SASS6: variants seen among roughly 807,000 people sequenced by gnomAD.
SASS6 encodes SAS-6 centriolar assembly protein, also known as spindle assembly abnormal protein 6 homolog.
In SASS6, 59 loss-of-function variants were observed where a neutral mutation model predicts 94.9. The ratio of observed to expected loss-of-function variants is 0.62; its 90% confidence interval spans 0.50 to 0.77. SASS6 has a LOEUF of 0.77. Ranked by LOEUF, SASS6 falls within the 30% of genes least tolerant of loss-of-function variation. The probability of loss-of-function intolerance (pLI) is 0.00; values close to 1 mark genes in which losing one functional copy is unlikely to be tolerated. For missense variants in SASS6, 698 were observed against 734.1 expected, an observed-to-expected ratio of 0.95 and a Z score of 0.57; for synonymous variants, 264 against 270.0, an observed-to-expected ratio of 0.98 and a Z score of 0.22.
chr1:100,121,797 C>A (rs1654220661), intron 4 of SASS6, among the ~76,000 whole-genome samples: 1 of 152,058 alleles, frequency 6.6e-6, no homozygotes, highest in South Asian at 2.1e-4. Flanking sequence ...TCACTGAGTG[C>A]CACAAAAGTA....
intron 14 of SASS6, among the ~76,000 whole-genome samples, chr1:100,093,139 CATT>C (rs1378561678): frequency 6.7e-6 from 1 of 148,476 alleles, no homozygotes; most frequent in East Asian, 2.0e-4. Context: ...ATTTAAAGAA[CATT>C]ATCCCAACAA....
intron 6 of SASS6, among the ~76,000 whole-genome samples, chr1:100,119,529 T>C (rs1654019015): frequency 1.3e-5 from 2 of 152,226 alleles, no homozygotes; most frequent in African/African-American, 2.4e-5. Flanking sequence ...CCATGCAGAT[T>C]ATCAGATACC....
chr1:100,107,737 C>T lies in SASS6; in HGVS notation c.1057-20G>A. 3.8e-6 allele frequency: 6 copies of T among 1,565,030 alleles called. No individual in the cohort carries two copies. Among genetic ancestry groups the T allele is most frequent in the Non-Finnish European group, 4.4e-6 (5 of 1,143,940 alleles). Reference sequence around the variant, plus strand: ...AACCACCTGATATATTTTTTAAAAACATGAATAATTAGGGCATTTGTGTTT... The same window carrying T: ...AACCACCTGATATATTTTTTAAAAATATGAATAATTAGGGCATTTGTGTTT... On this transcript the variant is annotated intron_variant, in intron 9 of 16. Transcript: ENST00000287482.
At chr1:100,106,796 G>A (rs1652941821) in intron 12 of SASS6, 116 bp downstream of exon 12, 1 of 595,416 alleles carries the variant, frequency 1.7e-6, no homozygotes, top group Non-Finnish European at 3.0e-6. Context: ...GGAGGCTGCA[G>A]TGAGCTGAGA....
intron 14 of SASS6, among the ~76,000 whole-genome samples, chr1:100,102,375 T>C (rs900285169): frequency 6.6e-6 from 1 of 151,960 alleles, no homozygotes; most frequent in African/African-American, 2.4e-5. Context: ...AGTAGAAGAA[T>C]GAATAAAAAC....
intron 12 of SASS6, 134 bp downstream of exon 12, chr1:100,106,778 A>C: frequency 1.8e-6 from 1 of 554,364 alleles, no homozygotes; most frequent in Non-Finnish European, 3.3e-6. Context: ...AACTTGAACC[A>C]AAGTGGTGGA....
At chr1:100,090,764 A>G (rs1651614880) in intron 14 of SASS6, among the ~76,000 whole-genome samples, 1 of 152,168 alleles carries the variant, frequency 6.6e-6, no homozygotes, top group African/African-American at 2.4e-5. Context: ...TTTTCTAGCC[A>G]GAAGACCAGG....
intron 1 of SASS6, among the ~76,000 whole-genome samples, chr1:100,130,534 C>CA (rs1332845292): frequency 4.6e-5 from 7 of 151,378 alleles, no homozygotes; most frequent in Middle Eastern, 3.4e-3. Context: ...AAATTAACAA[C>CA]AAAAAAAAGC....
chr1:100,110,000 A>G (rs1442645534), intron 8 of SASS6, among the ~76,000 whole-genome samples: 3 of 152,000 alleles, frequency 2.0e-5, no homozygotes, highest in African/African-American at 7.2e-5. Flanking sequence ...ACAGTACCCT[A>G]TGAAATACAG....
chr1:100,085,568 C>G lies in SASS6; in HGVS notation c.1835G>C (p.Arg612Pro). 2 of 1,613,168 alleles carry G rather than the reference C, an allele frequency of 1.2e-6. No individual in the cohort carries two copies. The highest frequency in any genetic ancestry group is 1.7e-6 in the Non-Finnish European group (2 of 1,179,292). ...ACTAAATAGGTTCTGGCTGAGTCCG[C>G]GTAAAGGAATGCTATCTTCCCTTTT... is the stretch of plus-strand genomic sequence containing the variant. ...LKKREDSIPL[R>P]GLSQNLFSNS... Residue 612 changes from arginine to proline, a missense_variant, in exon 16 of 17, where the codon CGC becomes CCC. Arg to Pro is a moderately radical substitution (Grantham distance 103, BLOSUM62 -2). Coordinates refer to ENST00000287482, the MANE Select transcript of SASS6 (RefSeq NM_194292.3).
rs1651429752 is a variant in SASS6 at position 100,088,023 on chromosome 1, A to C, written c.1772+116T>G. 8 of 530,748 alleles carry C rather than the reference A, an allele frequency of 1.5e-5. No homozygotes were observed. The East Asian group carries it at 2.0e-4, about 13-fold the overall frequency. 32.9% of individuals were successfully genotyped at this position (530,748 alleles called of 1,614,324 possible). Reference sequence around the variant, plus strand: ...TTCAACTTAAATTCCAATGATCAGTAACTTGAAATGTCTCAGGTAAACAGG... The same window carrying C: ...TTCAACTTAAATTCCAATGATCAGTCACTTGAAATGTCTCAGGTAAACAGG... On this transcript the variant is annotated intron_variant, in intron 15 of 16. Transcript: ENST00000287482.
chr1:100,113,115 G>C (rs897806503), intron 7 of SASS6, among the ~76,000 whole-genome samples: 1 of 152,078 alleles, frequency 6.6e-6, no homozygotes, highest in Non-Finnish European at 1.5e-5. Flanking sequence ...CAATAGACAA[G>C]GAGTACTCCA....
Position 100,085,272 on chromosome 1 carries a change from T to A in SASS6, c.*56A>T. On this transcript the variant is annotated 3_prime_UTR_variant, in exon 17 of 17. Coordinates refer to ENST00000287482, the MANE Select transcript of SASS6 (RefSeq NM_194292.3). ...GAGGATCTGGTTTGTGTTGACATAT[T>A]TTTTAAGCACCTGAGTTTCTAAAAT... 9.0e-7 allele frequency: 1 copy of A among 1,113,890 alleles called. No individual in the cohort carries two copies. The highest frequency in any genetic ancestry group is 1.4e-6 in the Non-Finnish European group (1 of 725,778). 69.0% of individuals were successfully genotyped at this position (1,113,890 alleles called of 1,614,324 possible).
chr1:100,104,603 G>A (rs1389536262), intron 13 of SASS6, among the ~76,000 whole-genome samples: 2 of 151,830 alleles, frequency 1.3e-5, no homozygotes, highest in East Asian at 3.9e-4. Flanking sequence ...GGGATTATAG[G>A]CATGCACCAT....
At chr1:100,118,962 A>G in intron 7 of SASS6, 56 bp downstream of exon 7, 2 of 1,318,448 alleles carry the variant, frequency 1.5e-6, no homozygotes, top group Non-Finnish European at 2.1e-6. Context: ...TTTAAAATTA[A>G]CAAAATGACT....
chr1:100,088,853 C>T (rs942809874), intron 14 of SASS6, among the ~76,000 whole-genome samples: 5 of 150,588 alleles, frequency 3.3e-5, no homozygotes, highest in African/African-American at 1.2e-4. Flanking sequence ...AAAAAAAAGC[C>T]TGCCATGCTT....
At chr1:100,130,289 G>C (rs556281708) in intron 1 of SASS6, among the ~76,000 whole-genome samples, 109 of 152,328 alleles carry the variant, frequency 7.2e-4, no homozygotes, top group Middle Eastern at 3.4e-3. Flanking sequence ...GGACGGAGAG[G>C]GGGGTGCGTA....
Position 100,122,415 on chromosome 1 carries a change from C to T in SASS6, c.276G>A (p.Gln92=), listed in dbSNP as rs750374371. 2.5e-6 allele frequency: 4 copies of T among 1,575,958 alleles called. No individual in the cohort carries two copies. The highest frequency in any genetic ancestry group is 3.5e-6 in the Non-Finnish European group (4 of 1,148,020). ...CTTTGGCATGTTCTTGAGTACATTG[C>T]TGAAGGAGATCTATAAATTTTTGTG... ...AFPQKFIDLL[Q]QCTQEHAKEI... is the part of the protein sequence containing the mutation. The change falls in exon 4 of 17, where the codon CAG becomes CAA. Residue 92 remains glutamine (Q), a synonymous_variant. Coordinates refer to ENST00000287482, the MANE Select transcript of SASS6 (RefSeq NM_194292.3).
At chr1:100,104,574 C>G (rs1570693418) in intron 13 of SASS6, among the ~76,000 whole-genome samples, 2 of 151,946 alleles carry the variant, frequency 1.3e-5, no homozygotes, top group East Asian at 3.9e-4. Context: ...GTTCCCCTGC[C>G]TCAGTCTCCC....
Sources: gnomAD v4.1 joint callset for allele counts (sites outside exome capture counted in the v4.1 genomes callset) on GRCh38, gnomAD v4.1.1 for gene constraint, MANE v1.5 for transcripts, NCBI Gene and HGNC (gene_info 2026-07-23, HGNC 2026-07-21) for gene names.